Variants in COQ3 observed in about 807,000 individuals in gnomAD.
COQ3 encodes the protein coenzyme Q3, methyltransferase.
Under a neutral mutation model 33.1 loss-of-function variants are expected in COQ3, and 29 were observed. The observed-to-expected ratio is 0.88, with a 90% CI of 0.65 to 1.19. The LOEUF is 1.19. Ranked by LOEUF, COQ3 falls within the 50% of genes most tolerant of loss-of-function variation. The pLI is 0.00. For missense variants in COQ3, 437 were observed against 430.7 expected (o/e 1.01, Z -0.13); for synonymous variants, 173 against 157.8 (o/e 1.10, Z -0.72).
At chr6:99,379,859 A>T (rs1359683478) in intron 3 of COQ3, among the ~76,000 whole-genome samples, 7 of 151,928 alleles carry the variant, frequency 4.6e-5, no homozygotes, top group Non-Finnish European at 1.0e-4. Context: ...CCATCTCAAA[A>T]AAAAAAATAA....
chr6:99,386,405 G>C (rs1774656598), intron 1 of COQ3, among the ~76,000 whole-genome samples: 1 of 152,096 alleles, frequency 6.6e-6, no homozygotes, highest in Non-Finnish European at 1.5e-5. Flanking sequence ...ACTCCAGCCT[G>C]GGTGACAGAG....
chr6:99,383,539 T>C (rs1330895783), intron 2 of COQ3, among the ~76,000 whole-genome samples, 159 bp downstream of exon 2: 2 of 152,224 alleles, frequency 1.3e-5, no homozygotes, highest in Non-Finnish European at 2.9e-5. Flanking sequence ...AATTTAAAAA[T>C]TGTTAGAAAA....
At chr6:99,371,960 C>G (rs1002433331) in intron 5 of COQ3, among the ~76,000 whole-genome samples, 1 of 152,192 alleles carries the variant, frequency 6.6e-6, no homozygotes, top group Admixed American at 6.5e-5. Context: ...AAATGGTTTT[C>G]ATTGTAAGTG....
chr6:99,388,926 CACA>C (rs1562210405), intron 1 of COQ3, among the ~76,000 whole-genome samples: 3 of 121,430 alleles, frequency 2.5e-5, no homozygotes, highest in Admixed American at 7.9e-5. Context: ...CACACACACA[CACA>C]CACACCCACA....
In COQ3 at chr6:99,376,185, A is replaced by G. The variant is rs773624377; in HGVS notation, c.487-3T>C. ...GAAGCCCCAAGCCGCCCTAGAGGCT[A>G]ATGGCATTAAAAAAACTGTTACCCT... On this transcript the variant is annotated splice_polypyrimidine_tract_variant and splice_region_variant and intron_variant, in intron 4 of 6. Transcript: ENST00000254759. 2 of 1,611,486 alleles carry G rather than the reference A, an allele frequency of 1.2e-6. No individual in the cohort carries two copies. Among genetic ancestry groups the G allele is most frequent in the African/African-American group, 1.3e-5 (1 of 74,752 alleles).
At chr6:99,392,706 A>ACCTCTG (rs1774865481) in intron 1 of COQ3, among the ~76,000 whole-genome samples, 1 of 151,012 alleles carries the variant, frequency 6.6e-6, no homozygotes. Context: ...GCTTACTGCA[A>ACCTCTG]CCTCTGCCTC....
chr6:99,379,427 T>C (rs908048126), intron 3 of COQ3, among the ~76,000 whole-genome samples: 4 of 152,222 alleles, frequency 2.6e-5, no homozygotes, highest in Non-Finnish European at 4.4e-5. Context: ...ACAAAGATTA[T>C]GTTTCATTCA....
At chr6:99,374,128 A>AT (rs1325725444) in intron 5 of COQ3, among the ~76,000 whole-genome samples, 4 of 146,066 alleles carry the variant, frequency 2.7e-5, no homozygotes, top group African/African-American at 8.0e-5. Context: ...TTAGCAAAAA[A>AT]AAAAAAAAAA....
chr6:99,394,146 C>T lies in COQ3; in HGVS notation c.34G>A (p.Gly12Ser), dbSNP rs1175858927. 2.5e-6 allele frequency: 4 copies of T among 1,607,912 alleles called. No homozygotes were observed. The highest frequency in any genetic ancestry group is 3.4e-5 in the Admixed American group (2 of 59,260). The change falls in exon 1 of 7, where the codon GGT (glycine) becomes AGT (serine). Residue 12 changes from glycine (G) to serine (S), a missense_variant. Coordinates refer to ENST00000254759, the MANE Select transcript of COQ3 (RefSeq NM_017421.4). Reference protein sequence around the residue: ...WSGRKLGSSGGWFLRVLGPGG... With the variant: ...WSGRKLGSSGSWFLRVLGPGG... ...GGCCCCAGCACTCTTAAAAACCAAC[C>T]CCCGGAGGAGCCCAGCTTACGGCCA... is the stretch of plus-strand genomic sequence containing the variant.
intron 1 of COQ3, among the ~76,000 whole-genome samples, chr6:99,389,003 G>T (rs1283325787): frequency 6.6e-6 from 1 of 151,892 alleles, no homozygotes; most frequent in African/African-American, 2.4e-5. Context: ...GTCTGTAGTG[G>T]AGTCAATTAT....
At position 99,371,572 on chromosome 6, in the gene COQ3, A is replaced by C; in HGVS notation, c.745T>G (p.Phe249Val). 1 of 1,598,116 alleles carries C rather than the reference A, an allele frequency of 6.3e-7. No homozygotes were observed. The highest frequency in any genetic ancestry group is 8.5e-7 in the Non-Finnish European group (1 of 1,172,670). ...CQVLKPGGSLFITTINKTQLS... is the reference protein window; with the variant it reads ...CQVLKPGGSLVITTINKTQLS... Reference sequence around the variant, plus strand: ...TGTGTTTTGTTGATTGTAGTAATGAATAAAGAACCACCGGGCTAAAAGAAA... The same window carrying C: ...TGTGTTTTGTTGATTGTAGTAATGACTAAAGAACCACCGGGCTAAAAGAAA... The change falls in exon 6 of 7, where the codon TTC becomes GTC. Residue 249 changes from phenylalanine (F) to valine (V), a missense_variant. Physicochemically the swap from Phe to Val is conservative, Grantham distance 50. Coordinates refer to ENST00000254759, the MANE Select transcript of COQ3 (RefSeq NM_017421.4).
chr6:99,384,937 A>G (rs1210444405), intron 1 of COQ3, among the ~76,000 whole-genome samples: 4 of 152,110 alleles, frequency 2.6e-5, no homozygotes, highest in African/African-American at 7.2e-5. Context: ...ATGGTGAAAC[A>G]CTGTCTCCAC....
intron 1 of COQ3, among the ~76,000 whole-genome samples, chr6:99,390,434 C>T (rs1774793429): frequency 1.3e-5 from 2 of 151,126 alleles, no homozygotes; most frequent in Admixed American, 1.3e-4. Flanking sequence ...CCCGGGTTCA[C>T]GCCATTCTCC....
At chr6:99,375,038 C>T (rs1489352181) in intron 5 of COQ3, among the ~76,000 whole-genome samples, 4 of 148,640 alleles carry the variant, frequency 2.7e-5, no homozygotes, top group East Asian at 2.0e-4. Flanking sequence ...GGCACAATCT[C>T]GGCTCACTGC....
intron 5 of COQ3, 82 bp downstream of exon 5, chr6:99,375,858 C>A: frequency 2.1e-6 from 3 of 1,458,250 alleles, no homozygotes; most frequent in South Asian, 1.2e-5. Context: ...ACTGCTAATG[C>A]ATTATGGACC....
intron 5 of COQ3, among the ~76,000 whole-genome samples, chr6:99,374,122 C>CAA (rs146515261): frequency 0.012 from 1,065 of 86,344 alleles, 5 homozygotes; most frequent in East Asian, 0.066. Flanking sequence ...CTGACATTAG[C>CAA]AAAAAAAAAA....
At chr6:99,376,994 A>ATGTG (rs140372356) in intron 4 of COQ3, among the ~76,000 whole-genome samples, 2,348 of 138,986 alleles carry the variant, frequency 0.017, 29 homozygotes, top group Non-Finnish European at 0.023. Context: ...AATATTATGG[A>ATGTG]TGTGTGTGTG....
At chr6:99,392,010 T>A (rs1261243333) in intron 1 of COQ3, among the ~76,000 whole-genome samples, 1 of 149,680 alleles carries the variant, frequency 6.7e-6, no homozygotes, top group Non-Finnish European at 1.5e-5. Context: ...AAAAAAAAAA[T>A]TAATTAATCT....
chr6:99,389,986 C>T (rs777442277), intron 1 of COQ3, among the ~76,000 whole-genome samples: 7 of 152,118 alleles, frequency 4.6e-5, no homozygotes, highest in African/African-American at 1.7e-4. Context: ...TGGTGGGGTG[C>T]GCCTGTAGTC....
Sources: allele counts gnomAD v4.1 joint callset (sites outside exome capture counted in the v4.1 genomes callset), GRCh38; gene constraint gnomAD v4.1.1; transcripts MANE v1.5; gene names NCBI Gene and HGNC (gene_info 2026-07-23, HGNC 2026-07-21).